RAPGEF4: variants seen among roughly 807,000 people sequenced by gnomAD.
The protein encoded by RAPGEF4 is RAP guanine-nucleotide-exchange factor (GEF) 4.
A neutral mutation model predicts 147.9 loss-of-function variants in RAPGEF4; 66 were observed. That is an observed-to-expected ratio of 0.45 (90% CI 0.37 to 0.55). The LOEUF (loss-of-function observed/expected upper bound fraction) is 0.55, where lower values mean the gene tolerates loss of function less well. RAPGEF4 is among the 20% of genes least tolerant of loss of function. RAPGEF4 has a pLI of 0.00. For missense variants in RAPGEF4, 1,071 were observed against 1,257.3 expected, an observed-to-expected ratio of 0.85 and a Z score of 2.24; for synonymous variants, 419 against 442.7, an observed-to-expected ratio of 0.95 and a Z score of 0.67.
At chr2:172,915,500 G>A (rs1039051375) in intron 4 of RAPGEF4, among the ~76,000 whole-genome samples, 3 of 151,468 alleles carry the variant, frequency 2.0e-5, no homozygotes, top group African/African-American at 7.3e-5. Context: ...TCAGAAGTTC[G>A]ACACCAGCCT....
chr2:172,748,913 G>A (rs1206778905), intron 1 of RAPGEF4, among the ~76,000 whole-genome samples: 2 of 152,218 alleles, frequency 1.3e-5, no homozygotes, highest in Non-Finnish European at 2.9e-5. Flanking sequence ...GCCACAGGCT[G>A]CATGCAAGTC....
chr2:172,830,198 G>A (rs879899838), intron 4 of RAPGEF4, among the ~76,000 whole-genome samples: 7 of 152,182 alleles, frequency 4.6e-5, no homozygotes, highest in Admixed American at 2.0e-4. Flanking sequence ...GTGATGGTGA[G>A]AGTGGAAATG....
intron 3 of RAPGEF4, 69 bp from the exon 4 acceptor site, chr2:172,814,210 T>TTA: frequency 6.6e-7 from 1 of 1,520,954 alleles, no homozygotes; most frequent in South Asian, 1.1e-5. Context: ...TATACTGCAG[T>TTA]TAAAGAAAAG....
chr2:172,754,990 C>T (rs1695633739), intron 1 of RAPGEF4, among the ~76,000 whole-genome samples: 1 of 152,078 alleles, frequency 6.6e-6, no homozygotes, highest in African/African-American at 2.4e-5. Context: ...TTGCAGTGAG[C>T]CAAGATCACA....
chr2:172,801,449 A>G (rs1485060308), intron 3 of RAPGEF4, among the ~76,000 whole-genome samples: 1 of 152,128 alleles, frequency 6.6e-6, no homozygotes, highest in Admixed American at 6.5e-5. Context: ...ACTTAGCACT[A>G]GGTTTCAGAC....
chr2:172,802,803 G>A (rs1687108624), intron 3 of RAPGEF4, among the ~76,000 whole-genome samples: 2 of 152,172 alleles, frequency 1.3e-5, no homozygotes, highest in South Asian at 4.1e-4. Flanking sequence ...GATACAATGG[G>A]GGTACAGGCA....
chr2:172,737,508 A>G (rs1157861595), intron 1 of RAPGEF4, among the ~76,000 whole-genome samples: 1 of 152,160 alleles, frequency 6.6e-6, no homozygotes, highest in Non-Finnish European at 1.5e-5. Context: ...TTTTTTGAAC[A>G]GTCGGTAATT....
At chr2:172,801,269 G>A (rs1431616812) in intron 3 of RAPGEF4, among the ~76,000 whole-genome samples, 2 of 152,110 alleles carry the variant, frequency 1.3e-5, no homozygotes, top group African/African-American at 2.4e-5. Context: ...AGTGAAGGAG[G>A]AAAAGTTACA....
At chr2:172,875,705 T>C (rs1350815988) in intron 4 of RAPGEF4, among the ~76,000 whole-genome samples, 2 of 152,206 alleles carry the variant, frequency 1.3e-5, no homozygotes, top group Admixed American at 1.3e-4. Context: ...TTGTTCTTTT[T>C]GCTTAGGATT....
At chr2:172,857,490 A>T (rs1228885149) in intron 4 of RAPGEF4, among the ~76,000 whole-genome samples, 1 of 152,260 alleles carries the variant, frequency 6.6e-6, no homozygotes, top group African/African-American at 2.4e-5. Flanking sequence ...TACAAGTTGC[A>T]TTCAAGGATC....
chr2:172,797,524 G>T lies in RAPGEF4; in HGVS notation c.209-1G>T. ...TTTATATCACAATTTTTTTTTCCCA[G>T]TATTTCGCCAGGGTGATATTGGAAC... On this transcript the variant is annotated splice_acceptor_variant, in intron 2 of 30. Coordinates refer to ENST00000397081, the MANE Select transcript of RAPGEF4 (RefSeq NM_007023.4). LOFTEE classifies it high-confidence loss of function. 6.2e-7 allele frequency: 1 copy of T among 1,610,312 alleles called. No individual in the cohort carries two copies. Among genetic ancestry groups the T allele is most frequent in the Non-Finnish European group, 8.5e-7 (1 of 1,178,194 alleles).
chr2:172,812,283 G>A (rs758704203), intron 3 of RAPGEF4, among the ~76,000 whole-genome samples: 2 of 152,188 alleles, frequency 1.3e-5, no homozygotes, highest in Non-Finnish European at 2.9e-5. Context: ...TGCTTGAGCT[G>A]ATGACTGCAG....
rs759970367 is a variant in RAPGEF4, at chr2:172,988,186, T to C, written c.1151-10T>C. 6.3e-7 allele frequency: 1 copy of C among 1,592,724 alleles called. No homozygotes were observed. Among genetic ancestry groups the C allele is most frequent in the Non-Finnish European group, 8.5e-7 (1 of 1,174,790 alleles). ...TCTTATCATAAGTCTTTTCATCTTT[T>C]TGTGTCTAGTGTTTAACCAGGGGGA... On this transcript the variant is annotated splice_polypyrimidine_tract_variant and intron_variant, in intron 12 of 30. Coordinates refer to ENST00000397081, the MANE Select transcript of RAPGEF4 (RefSeq NM_007023.4).
In RAPGEF4 at chr2:173,026,693, A is replaced by G. The variant is rs775037078; in HGVS notation, c.2375A>G (p.His792Arg). 6 of 1,613,622 alleles carry G rather than the reference A, an allele frequency of 3.7e-6. No individual in the cohort carries two copies. The Admixed American group carries it at 5.0e-5, about 13-fold the overall frequency. The change falls in exon 24 of 31, where the codon CAT (histidine) becomes CGT (arginine). Residue 792 changes from histidine to arginine, a missense_variant. Physicochemically the swap from His to Arg is conservative, Grantham distance 29. Transcript: ENST00000397081. ...IYDWELFNCV[H>R]ELELIYHTFG... Reference sequence around the variant, plus strand: ...GATTGGGAACTCTTCAACTGCGTGCATGAGGTAAGATGCAGGATCAGATGT... The same window carrying G: ...GATTGGGAACTCTTCAACTGCGTGCGTGAGGTAAGATGCAGGATCAGATGT...
chr2:173,037,567 A>C (rs932141628), intron 29 of RAPGEF4, among the ~76,000 whole-genome samples: 1 of 152,224 alleles, frequency 6.6e-6, no homozygotes, highest in African/African-American at 2.4e-5. Flanking sequence ...ACCTTTCTTT[A>C]GCTGCATAGT....
chr2:172,770,458 A>G (rs1383529206), intron 1 of RAPGEF4, among the ~76,000 whole-genome samples: 1 of 152,230 alleles, frequency 6.6e-6, no homozygotes, highest in Non-Finnish European at 1.5e-5. Context: ...ATGGGTTCAT[A>G]TATGTAAAGT....
At chr2:172,819,678 G>T (rs923952062) in intron 4 of RAPGEF4, among the ~76,000 whole-genome samples, 1 of 151,624 alleles carries the variant, frequency 6.6e-6, no homozygotes, top group Admixed American at 6.6e-5. Context: ...TTTTAGCCAG[G>T]ATGGTCTCGA....
intron 3 of RAPGEF4, among the ~76,000 whole-genome samples, chr2:172,812,249 T>C (rs559973559): frequency 6.6e-6 from 1 of 152,284 alleles, no homozygotes; most frequent in Non-Finnish European, 1.5e-5. Context: ...GGTAGAAGAA[T>C]TGATTCCTGA....
At chr2:172,835,140 T>C (rs920462576) in intron 4 of RAPGEF4, among the ~76,000 whole-genome samples, 2 of 152,218 alleles carry the variant, frequency 1.3e-5, no homozygotes, top group African/African-American at 4.8e-5. Context: ...TGGGAAATGA[T>C]ATGCGTCTAA....
Sources: gnomAD v4.1 joint callset for allele counts (sites outside exome capture counted in the v4.1 genomes callset) on GRCh38, gnomAD v4.1.1 for gene constraint, MANE v1.5 for transcripts, NCBI Gene and HGNC (gene_info 2026-07-23, HGNC 2026-07-21) for gene names.